CERT1: variants seen among roughly 807,000 people sequenced by gnomAD.
CERT1 encodes ceramide transfer protein.
A neutral mutation model predicts 87.9 loss-of-function variants in CERT1; 31 were observed. The ratio of observed to expected loss-of-function variants is 0.35; its 90% confidence interval spans 0.27 to 0.48. The LOEUF (loss-of-function observed/expected upper bound fraction) is 0.48, where lower values mean the gene tolerates loss of function less well. CERT1 is among the 20% of genes least tolerant of loss of function. The pLI, the probability that CERT1 is intolerant of heterozygous loss-of-function variation, is 0.99. For synonymous variants in CERT1, 289 were observed against 250.9 expected, an observed-to-expected ratio of 1.15 and a Z score of -1.44; for missense variants, 487 against 758.0, an observed-to-expected ratio of 0.64 and a Z score of 4.20.
intron 2 of CERT1, among the ~76,000 whole-genome samples, chr5:75,479,934 T>C (rs1273361507): frequency 1.3e-5 from 2 of 152,198 alleles, no homozygotes; most frequent in African/African-American, 4.8e-5. Flanking sequence ...ACCTTTTCTC[T>C]GCAACCTTGC....
intron 8 of CERT1, among the ~76,000 whole-genome samples, chr5:75,410,171 T>C (rs1203879630): frequency 1.3e-5 from 2 of 152,118 alleles, no homozygotes; most frequent in Non-Finnish European, 2.9e-5. Context: ...TATAGAAAGC[T>C]TATAAGATTT....
At chr5:75,417,090 AT>A in intron 6 of CERT1, 57 bp from the exon 7 acceptor site, 1 of 1,309,704 alleles carries the variant, frequency 7.6e-7, no homozygotes, top group South Asian at 1.4e-5. Flanking sequence ...ATTCATCACA[AT>A]TTAAGATTAG....
chr5:75,419,792 C>A (rs2112160818), intron 5 of CERT1, among the ~76,000 whole-genome samples: 1 of 152,098 alleles, frequency 6.6e-6, no homozygotes, highest in South Asian at 2.1e-4. Flanking sequence ...TATTTTTAAA[C>A]CATATTCACT....
At position 75,426,483 on chromosome 5, in the gene CERT1, A is replaced by G; in HGVS notation, c.349-5T>C. ...AGATCCATATCCAGATTCAGTCTAA[A>G]AAAAAAAGTAAACTATGTGAAAAGA... On this transcript the variant is annotated splice_polypyrimidine_tract_variant and splice_region_variant and intron_variant, in intron 3 of 16. Coordinates refer to ENST00000643780, the MANE Select transcript of CERT1 (RefSeq NM_001379029.1). The G allele has an allele frequency of 5.0e-6, 8 of 1,590,552 alleles. No individual in the cohort carries two copies. Among genetic ancestry groups the G allele is most frequent in the Non-Finnish European group, 6.9e-6 (8 of 1,161,454 alleles).
intron 3 of CERT1, among the ~76,000 whole-genome samples, chr5:75,453,803 T>G (rs536664600): frequency 7.3e-6 from 1 of 137,202 alleles, no homozygotes; most frequent in East Asian, 2.1e-4. Context: ...AAACTCATTT[T>G]GTTTGCACGC....
intron 6 of CERT1, among the ~76,000 whole-genome samples, chr5:75,417,436 A>G (rs1298570522): frequency 6.6e-6 from 1 of 152,206 alleles, no homozygotes; most frequent in African/African-American, 2.4e-5. Context: ...TAATAAAATA[A>G]TATACAATTT....
rs1006947706 is a variant in CERT1 at position 75,426,481 on chromosome 5, A to T, written c.349-3T>A. 11 of 1,241,000 alleles carry T rather than the reference A, an allele frequency of 8.9e-6. No individual in the cohort carries two copies. Among genetic ancestry groups the T allele is most frequent in the South Asian group, 6.1e-5 (4 of 66,066 alleles). 76.9% of individuals were successfully genotyped at this position (1,241,000 alleles called of 1,614,324 possible). A position where few individuals can be genotyped will look rare whatever the true frequency, so the allele number is the denominator to read the frequency against. ...TCAGATCCATATCCAGATTCAGTCTAAAAAAAAAAGTAAACTATGTGAAAA... is the reference window on the plus strand; with the variant it reads ...TCAGATCCATATCCAGATTCAGTCTTAAAAAAAAAGTAAACTATGTGAAAA... On this transcript the variant is annotated splice_polypyrimidine_tract_variant and splice_region_variant and intron_variant, in intron 3 of 16. Transcript: ENST00000643780.
At chr5:75,457,984 A>C (rs181827142) in intron 3 of CERT1, among the ~76,000 whole-genome samples, 1 of 135,924 alleles carries the variant, frequency 7.4e-6, no homozygotes, top group Non-Finnish European at 1.5e-5. Flanking sequence ...TGTGTGTGGT[A>C]TGTGTGTGTG....
At chr5:75,480,512 CGA>C (rs1554045065) in intron 2 of CERT1, among the ~76,000 whole-genome samples, 1 of 152,176 alleles carries the variant, frequency 6.6e-6, no homozygotes, top group Non-Finnish European at 1.5e-5. Context: ...AAGAATCAAA[CGA>C]TAAACTCACA....
intron 13 of CERT1, among the ~76,000 whole-genome samples, chr5:75,385,046 A>AC (rs1283971943): frequency 1.3e-5 from 2 of 152,238 alleles, no homozygotes; most frequent in East Asian, 3.8e-4. Context: ...TTGATGTTAA[A>AC]TAAATTGTTA....
At chr5:75,510,806 A>AC (rs1767923423) in intron 1 of CERT1, among the ~76,000 whole-genome samples, 1 of 152,006 alleles carries the variant, frequency 6.6e-6, no homozygotes, top group Non-Finnish European at 1.5e-5. Context: ...CTGAAGCCCA[A>AC]CCCGGATTCC....
intron 5 of CERT1, among the ~76,000 whole-genome samples, chr5:75,424,943 G>A (rs1305362400): frequency 1.3e-5 from 2 of 151,958 alleles, no homozygotes; most frequent in African/African-American, 2.4e-5. Flanking sequence ...TGAGACCCCC[G>A]TCTCTATAAA....
At chr5:75,476,747 T>C (rs1156616273) in intron 2 of CERT1, among the ~76,000 whole-genome samples, 2 of 152,222 alleles carry the variant, frequency 1.3e-5, no homozygotes, top group African/African-American at 2.4e-5. Context: ...TCTGCTGCTA[T>C]CCTAAACAAC....
intron 2 of CERT1, among the ~76,000 whole-genome samples, chr5:75,482,726 C>T (rs1353975044): frequency 2.0e-5 from 3 of 152,130 alleles, no homozygotes; most frequent in East Asian, 1.9e-4. Flanking sequence ...CAAGAGTTTC[C>T]GCCTGGTAAT....
At chr5:75,475,847 A>G (rs1294718045) in intron 2 of CERT1, among the ~76,000 whole-genome samples, 2 of 152,138 alleles carry the variant, frequency 1.3e-5, no homozygotes, top group Non-Finnish European at 2.9e-5. Context: ...AACTCTCTGA[A>G]GTTCCAATTC....
rs952234196 is a variant in CERT1, at chr5:75,444,548, C to CTT, written c.348+14515_348+14516dup. ...GTTTAGTTGATTTTGCTTTTCTTTT[C>CTT]TTTTTTTTTTTTTTTTTTGAGACAG... On this transcript the variant is annotated intron_variant, in intron 3 of 16. Coordinates refer to ENST00000643780, the MANE Select transcript of CERT1 (RefSeq NM_001379029.1). Among the ~76,000 whole-genome samples, 106 of 128,774 alleles carry CTT rather than the reference C, an allele frequency of 8.2e-4. 2 individuals are homozygous for CTT. The highest frequency in any genetic ancestry group is 2.6e-3 in the African/African-American group (85 of 33,232). The allele number at this position is 128,774 out of a possible 152,430, so 84.5% of individuals were successfully genotyped here.
intron 3 of CERT1, among the ~76,000 whole-genome samples, chr5:75,441,766 A>G (rs954455762): frequency 1.3e-5 from 2 of 152,208 alleles, no homozygotes; most frequent in Admixed American, 1.3e-4. Context: ...GTTGAGTGAT[A>G]TTCCATTGAA....
chr5:75,459,817 G>A (rs968861602), intron 2 of CERT1, among the ~76,000 whole-genome samples: 2 of 151,930 alleles, frequency 1.3e-5, no homozygotes, highest in Non-Finnish European at 2.9e-5. Context: ...ACAAAAATCA[G>A]CTGGGCGTGG....
At chr5:75,476,122 T>C (rs999884443) in intron 2 of CERT1, among the ~76,000 whole-genome samples, 3 of 152,206 alleles carry the variant, frequency 2.0e-5, no homozygotes, top group African/African-American at 7.2e-5. Context: ...TTCATAGGGA[T>C]TATTTATTTA....
Sources: allele counts gnomAD v4.1 joint callset (sites outside exome capture counted in the v4.1 genomes callset), GRCh38; gene constraint gnomAD v4.1.1; transcripts MANE v1.5; gene names NCBI Gene and HGNC (gene_info 2026-07-23, HGNC 2026-07-21).